The following SCP2 variants were observed in gnomAD, a reference collection of about 807,000 sequenced individuals.
SCP2 encodes sterol carrier protein 2.
A neutral mutation model predicts 71.4 loss-of-function variants in SCP2; 48 were observed. The ratio of observed to expected loss-of-function variants is 0.67; its 90% CI spans 0.53 to 0.86. The LOEUF is 0.86. Among genes scored for constraint, SCP2 ranks in the 40% least tolerant of loss-of-function variants. SCP2 has a pLI of 0.00. For synonymous variants in SCP2, 220 were observed against 218.1 expected (o/e 1.01, Z -0.08); for missense variants, 560 against 655.6 (o/e 0.85, Z 1.59).
At chr1:52,986,582 T>C (rs1260871463) in intron 10 of SCP2, among the ~76,000 whole-genome samples, 1 of 152,176 alleles carries the variant, frequency 6.6e-6, no homozygotes, top group Non-Finnish European at 1.5e-5. Context: ...CAATATAATA[T>C]ATTAGCTGAG....
chr1:52,934,205 G>A (rs955594126), intron 1 of SCP2, among the ~76,000 whole-genome samples: 2 of 152,172 alleles, frequency 1.3e-5, no homozygotes, highest in Admixed American at 1.3e-4. Flanking sequence ...CAGCAGTCAC[G>A]TCAAGGAAAA....
chr1:52,996,522 A>G (rs550916777), intron 11 of SCP2, among the ~76,000 whole-genome samples: 1 of 152,132 alleles, frequency 6.6e-6, no homozygotes, highest in African/African-American at 2.4e-5. Context: ...AGGTATTTCT[A>G]TTTTCCATTT....
At chr1:53,000,736 C>T (rs1386432881) in intron 11 of SCP2, among the ~76,000 whole-genome samples, 37 of 152,042 alleles carry the variant, frequency 2.4e-4, no homozygotes, top group Non-Finnish European at 1.3e-4. Flanking sequence ...GCGGGCAGAT[C>T]GCTTGAGCTC....
At chr1:52,961,841 T>G (rs1019124879) in intron 6 of SCP2, among the ~76,000 whole-genome samples, 4 of 152,228 alleles carry the variant, frequency 2.6e-5, no homozygotes, top group Admixed American at 1.3e-4. Flanking sequence ...CCTAGAGTAC[T>G]CTATAGCAGG....
intron 13 of SCP2, among the ~76,000 whole-genome samples, chr1:53,032,422 C>T (rs1247116561): frequency 6.6e-6 from 1 of 152,154 alleles, no homozygotes; most frequent in African/African-American, 2.4e-5. Context: ...GATAGAGACT[C>T]CTTCCCAAAA....
At chr1:52,974,908 A>G (rs916066527) in intron 7 of SCP2, 76 bp downstream of exon 7, 1 of 784,886 alleles carries the variant, frequency 1.3e-6, no homozygotes, top group African/African-American at 1.7e-5. Flanking sequence ...ATACTTGAAA[A>G]GCAAATGCCA....
intron 1 of SCP2, among the ~76,000 whole-genome samples, chr1:52,938,606 C>T (rs1653946187): frequency 6.6e-6 from 1 of 152,084 alleles, no homozygotes; most frequent in South Asian, 2.1e-4. Flanking sequence ...TCTCGTCATC[C>T]CAGTCTCTTT....
chr1:52,953,349 T>C (rs1187325229), intron 4 of SCP2, among the ~76,000 whole-genome samples: 2 of 152,110 alleles, frequency 1.3e-5, no homozygotes, highest in African/African-American at 2.4e-5. Flanking sequence ...TTTCCTCTTT[T>C]CTTTTTTTAG....
intron 13 of SCP2, among the ~76,000 whole-genome samples, chr1:53,038,341 G>C (rs1382530320): frequency 1.3e-5 from 2 of 150,794 alleles, no homozygotes; most frequent in Non-Finnish European, 2.9e-5. Flanking sequence ...AAACATACGA[G>C]GGCTATTTTG....
chr1:52,939,504 C>A (rs1441155423), intron 1 of SCP2, among the ~76,000 whole-genome samples: 1 of 152,006 alleles, frequency 6.6e-6, no homozygotes, highest in Non-Finnish European at 1.5e-5. Flanking sequence ...TGTGATCACA[C>A]CACTGCACTC....
At chr1:52,979,319 G>A (rs1160012253) in intron 9 of SCP2, among the ~76,000 whole-genome samples, 1 of 151,652 alleles carries the variant, frequency 6.6e-6, no homozygotes, top group African/African-American at 2.4e-5. Context: ...CTACAGGCAT[G>A]TGCCACCACA....
intron 13 of SCP2, among the ~76,000 whole-genome samples, chr1:53,030,417 ATT>A (rs1409484567): frequency 2.6e-5 from 4 of 152,220 alleles, no homozygotes; most frequent in Admixed American, 6.5e-5. Context: ...GCTGATACAT[ATT>A]GCCAAACTAC....
chr1:52,987,890 A>C (rs1659139031), intron 10 of SCP2, 139 bp from the exon 11 acceptor site: 1 of 641,592 alleles, frequency 1.6e-6, no homozygotes, highest in South Asian at 1.9e-5. Flanking sequence ...AAAAGTGCTT[A>C]TGTCAAATTA....
rs74363442 is a variant in SCP2 at position 53,050,760 on chromosome 1, A to G, written c.*56A>G. 1.7e-3 allele frequency: 1,921 copies of G among 1,135,084 alleles called. 30 individuals carry two copies. The African/African-American group carries it at 0.026, about 15-fold the overall frequency. 70.3% of individuals were successfully genotyped at this position (1,135,084 alleles called of 1,614,324 possible). ...AGATGAGATATATAGATATATATCC[A>G]TACATTTTATTGTCAGAATTTAGAC... On this transcript the variant is annotated 3_prime_UTR_variant, in exon 16 of 16. Coordinates refer to ENST00000371514, the MANE Select transcript of SCP2 (RefSeq NM_002979.5).
At chr1:53,021,641 CTTTCTTTTTTT>C (rs1477629660) in intron 12 of SCP2, among the ~76,000 whole-genome samples, 19 of 140,112 alleles carry the variant, frequency 1.4e-4, no homozygotes, top group African/African-American at 2.4e-4. Flanking sequence ...TTTTCTTTTT[CTTTCTTTTTTT>C]TTTTTTTTTT....
intron 1 of SCP2, among the ~76,000 whole-genome samples, chr1:52,930,652 G>A (rs61671409): frequency 0.066 from 10,056 of 152,066 alleles, 575 homozygotes; most frequent in East Asian, 0.21. Flanking sequence ...CTCACAACCT[G>A]CTAAATTGAT....
chr1:52,976,752 G>A lies in SCP2; in HGVS notation c.657G>A (p.Leu219=). The stretch of plus-strand genomic sequence containing the variant: ...CATCTAAAGAAGTTTTTGATTTTTT[G>A]ACTATCTTACAATGTTGGTAAGAAA... The part of the protein sequence containing the change: ...VMASKEVFDF[L]TILQCCPTSD... Residue 219 remains leucine, a synonymous_variant, in exon 8 of 16, where the codon TTG becomes TTA. Transcript: ENST00000371514. 1 of 1,515,992 alleles carries A rather than the reference G, an allele frequency of 6.6e-7. No homozygotes were observed. The highest frequency in any genetic ancestry group is 9.2e-7 in the Non-Finnish European group (1 of 1,091,382). The allele number at this position is 1,515,992 out of a possible 1,614,324, so 93.9% of individuals were successfully genotyped here.
chr1:53,003,344 A>G (rs940489229), intron 11 of SCP2, among the ~76,000 whole-genome samples: 1 of 152,030 alleles, frequency 6.6e-6, no homozygotes, highest in African/African-American at 2.4e-5. Context: ...TCAGTCTCCC[A>G]AGTAGTTGGG....
intron 13 of SCP2, among the ~76,000 whole-genome samples, chr1:53,034,213 G>A (rs1662756906): frequency 6.6e-6 from 1 of 151,742 alleles, no homozygotes. Context: ...GGAGGAGGAG[G>A]TTGCAGTGAG....
Sources: gnomAD v4.1 joint callset for allele counts (sites outside exome capture counted in the v4.1 genomes callset) on GRCh38, gnomAD v4.1.1 for gene constraint, MANE v1.5 for transcripts, NCBI Gene and HGNC (gene_info 2026-07-23, HGNC 2026-07-21) for gene names.